Variants in CTNNA3 observed in about 807,000 individuals in gnomAD.
CTNNA3 encodes the protein catenin alpha-3.
A neutral mutation model predicts 95.7 loss-of-function variants in CTNNA3; 76 were observed. That is an observed-to-expected ratio of 0.79 (90% CI 0.66 to 0.96). The LOEUF is 0.96. Among genes scored for constraint, CTNNA3 ranks in the 40% least tolerant of loss-of-function variants. CTNNA3 has a pLI of 0.00. For missense variants in CTNNA3, 1,191 were observed against 1,089.8 expected, an observed-to-expected ratio of 1.09 and a Z score of -1.31; for synonymous variants, 431 against 374.4, an observed-to-expected ratio of 1.15 and a Z score of -1.74.
At chr10:65,994,836 T>C (rs2078620705) in intron 15 of CTNNA3, among the ~76,000 whole-genome samples, 2 of 152,132 alleles carry the variant, frequency 1.3e-5, no homozygotes, top group Admixed American at 6.5e-5. Flanking sequence ...ACAGGATTTG[T>C]ACAATCTTTT....
At chr10:66,098,235 T>C (rs2081479146) in intron 14 of CTNNA3, among the ~76,000 whole-genome samples, 1 of 152,214 alleles carries the variant, frequency 6.6e-6, no homozygotes, top group Admixed American at 6.5e-5. Context: ...TAATGCTGGC[T>C]GTTGCAATAG....
intron 7 of CTNNA3, among the ~76,000 whole-genome samples, chr10:67,017,829 G>T (rs1852753926): frequency 6.6e-6 from 1 of 151,932 alleles, no homozygotes; most frequent in South Asian, 2.1e-4. Context: ...GAATATAGTG[G>T]CCCAATCTCG....
At chr10:65,986,377 A>G (rs2078428690) in intron 16 of CTNNA3, among the ~76,000 whole-genome samples, 1 of 151,366 alleles carries the variant, frequency 6.6e-6, no homozygotes, top group Non-Finnish European at 1.5e-5. Flanking sequence ...AAGTTGAAGG[A>G]TATCAAATCA....
At chr10:67,280,237 C>G (rs531803756) in intron 5 of CTNNA3, among the ~76,000 whole-genome samples, 1 of 150,222 alleles carries the variant, frequency 6.7e-6, no homozygotes, top group African/African-American at 2.5e-5. Context: ...TCTTTTGTCC[C>G]CCGCCCTGAA....
At chr10:66,017,788 C>T (rs1226622473) in intron 15 of CTNNA3, among the ~76,000 whole-genome samples, 1 of 152,052 alleles carries the variant, frequency 6.6e-6, no homozygotes, top group Non-Finnish European at 1.5e-5. Context: ...GTTTTGTTTA[C>T]AGTGGCAGTT....
intron 2 of CTNNA3, among the ~76,000 whole-genome samples, chr10:67,626,288 A>G (rs756941659): frequency 3.3e-5 from 5 of 151,880 alleles, no homozygotes; most frequent in Admixed American, 6.6e-5. Flanking sequence ...CCTTCCATGG[A>G]CAGTTATGTT....
intron 7 of CTNNA3, among the ~76,000 whole-genome samples, chr10:66,788,736 C>T (rs1840848306): frequency 6.6e-6 from 1 of 151,756 alleles, no homozygotes; most frequent in Non-Finnish European, 1.5e-5. Context: ...AAAAAAAGAA[C>T]AGAGAAATAC....
intron 7 of CTNNA3, among the ~76,000 whole-genome samples, chr10:66,839,272 G>A (rs1317656876): frequency 6.6e-6 from 1 of 152,122 alleles, no homozygotes; most frequent in African/African-American, 2.4e-5. Context: ...ACTTGATGAT[G>A]TTTGAGCTAT....
chr10:66,546,862 AT>A (rs1258686306), intron 10 of CTNNA3, among the ~76,000 whole-genome samples: 1 of 152,064 alleles, frequency 6.6e-6, no homozygotes, highest in Non-Finnish European at 1.5e-5. Context: ...TAATTACTTT[AT>A]TTTTATCAGA....
intron 11 of CTNNA3, among the ~76,000 whole-genome samples, chr10:66,416,264 AT>A (rs1175696786): frequency 3.7e-5 from 5 of 134,678 alleles, no homozygotes; most frequent in Non-Finnish European, 8.2e-5. Context: ...CCTCAGACAC[AT>A]TTTTTAAAAA....
chr10:67,107,906 C>G (rs551906495), intron 7 of CTNNA3, among the ~76,000 whole-genome samples: 1 of 152,320 alleles, frequency 6.6e-6, no homozygotes, highest in African/African-American at 2.4e-5. Flanking sequence ...AGGAAGTGCT[C>G]TAGCAGGGAC....
intron 1 of CTNNA3, among the ~76,000 whole-genome samples, chr10:67,685,213 T>A (rs987098616): frequency 4.6e-5 from 7 of 151,998 alleles, no homozygotes; most frequent in Non-Finnish European, 1.0e-4. Flanking sequence ...GAAAACCTTG[T>A]AAGTTTGGGA....
chr10:66,166,104 C>G (rs1225109313), intron 13 of CTNNA3, among the ~76,000 whole-genome samples: 2 of 151,798 alleles, frequency 1.3e-5, no homozygotes, highest in South Asian at 4.2e-4. Context: ...CAGAAATTAT[C>G]TCATTTGAAC....
At chr10:67,707,679 A>G (rs1040606818) in intron 1 of CTNNA3, among the ~76,000 whole-genome samples, 10 of 152,278 alleles carry the variant, frequency 6.6e-5, no homozygotes, top group Non-Finnish European at 7.4e-5. Context: ...CAAATTAAGT[A>G]TAATACAAGG....
intron 6 of CTNNA3, among the ~76,000 whole-genome samples, chr10:67,202,548 G>A (rs1204680120): frequency 4.6e-5 from 7 of 152,114 alleles, no homozygotes; most frequent in South Asian, 4.1e-4. Context: ...GCTGGAATTC[G>A]CAAGACCAAA....
At chr10:66,385,504 C>T (rs538179271) in intron 11 of CTNNA3, among the ~76,000 whole-genome samples, 1 of 152,124 alleles carries the variant, frequency 6.6e-6, no homozygotes, top group East Asian at 1.9e-4. Context: ...CCAAATTCTA[C>T]CAGAGATACA....
intron 7 of CTNNA3, among the ~76,000 whole-genome samples, chr10:66,950,240 A>T (rs1442037265): frequency 6.6e-6 from 1 of 152,020 alleles, no homozygotes; most frequent in Non-Finnish European, 1.5e-5. Context: ...TTCAACTCTA[A>T]TTGTATATTA....
At chr10:66,580,516 G>T (rs72799226) in intron 10 of CTNNA3, among the ~76,000 whole-genome samples, 32,034 of 151,492 alleles carry the variant, frequency 0.21, 4,560 homozygotes, top group Middle Eastern at 0.41. Flanking sequence ...TTTTATGATG[G>T]CTACTTTGAA....
At chr10:66,147,483 C>G (rs10996932) in intron 13 of CTNNA3, among the ~76,000 whole-genome samples, 124,975 of 151,864 alleles carry the variant, frequency 0.82, 51,584 homozygotes, top group South Asian at 0.92. Context: ...GTAGTATCAT[C>G]TCTTTGTTTG....
Sources: allele counts gnomAD v4.1 joint callset (sites outside exome capture counted in the v4.1 genomes callset), GRCh38; gene constraint gnomAD v4.1.1; transcripts MANE v1.5; gene names NCBI Gene and HGNC (gene_info 2026-07-23, HGNC 2026-07-21).